The following PCDH15 variants were observed in gnomAD, a reference collection of about 807,000 sequenced individuals.
The protein encoded by PCDH15 is protocadherin-15.
A neutral mutation model predicts 178.5 loss-of-function variants in PCDH15; 129 were observed. That is an observed-to-expected ratio of 0.72 (90% CI 0.63 to 0.84). The LOEUF is 0.84. Among genes scored for constraint, PCDH15 ranks in the 40% least tolerant of loss-of-function variants. The pLI, the probability that PCDH15 is intolerant of heterozygous loss-of-function variation, is 0.00. For synonymous variants in PCDH15, 800 were observed against 732.0 expected (o/e 1.09, Z -1.50); for missense variants, 2,230 against 2,099.9 (o/e 1.06, Z -1.21).
chr10:55,313,300 C>G (rs549466916), intron 1 of PCDH15, among the ~76,000 whole-genome samples: 7 of 152,204 alleles, frequency 4.6e-5, no homozygotes, highest in African/African-American at 1.7e-4. Context: ...TACAGTGGTT[C>G]CCTTCTTTTC....
chr10:53,985,936 C>A (rs1264522237), intron 21 of PCDH15, among the ~76,000 whole-genome samples: 1 of 152,060 alleles, frequency 6.6e-6, no homozygotes, highest in Non-Finnish European at 1.5e-5. Context: ...TAGTAGGCAC[C>A]AACTGTTCCA....
At chr10:55,233,443 A>G (rs1841284580) in intron 1 of PCDH15, among the ~76,000 whole-genome samples, 1 of 152,158 alleles carries the variant, frequency 6.6e-6, no homozygotes, top group Non-Finnish European at 1.5e-5. Context: ...AAAGCACATG[A>G]AGAATAAGAA....
chr10:55,018,447 T>C (rs1257696184), intron 2 of PCDH15, among the ~76,000 whole-genome samples: 1 of 152,134 alleles, frequency 6.6e-6, no homozygotes, highest in African/African-American at 2.4e-5. Context: ...TAATTAATTG[T>C]AATACTGTAT....
intron 2 of PCDH15, among the ~76,000 whole-genome samples, chr10:55,424,869 T>C (rs1196743612): frequency 1.3e-5 from 2 of 150,644 alleles, no homozygotes; most frequent in Non-Finnish European, 2.9e-5. Flanking sequence ...TGGCATCGTA[T>C]TGCAACAGTT....
intron 2 of PCDH15, among the ~76,000 whole-genome samples, chr10:54,995,091 T>C (rs1839603416): frequency 6.6e-6 from 1 of 152,020 alleles, no homozygotes; most frequent in Admixed American, 6.6e-5. Context: ...TAGAAATTAG[T>C]TTAGGCCGGG....
chr10:53,918,420 A>G (rs1394380054), intron 25 of PCDH15, among the ~76,000 whole-genome samples: 1 of 152,164 alleles, frequency 6.6e-6, no homozygotes, highest in African/African-American at 2.4e-5. Flanking sequence ...TAATAACAGC[A>G]AAGGTAAATT....
intron 16 of PCDH15, among the ~76,000 whole-genome samples, chr10:54,080,077 A>AT (rs1425438325): frequency 1.3e-5 from 2 of 151,958 alleles, no homozygotes; most frequent in Non-Finnish European, 2.9e-5. Flanking sequence ...CATATTTTAC[A>AT]TTTTTTAAGA....
At chr10:55,313,146 C>G (rs1843632141) in intron 1 of PCDH15, among the ~76,000 whole-genome samples, 1 of 152,102 alleles carries the variant, frequency 6.6e-6, no homozygotes, top group African/African-American at 2.4e-5. Flanking sequence ...CTCCTCTGCT[C>G]TCCTACACAT....
At chr10:54,472,857 T>C (rs1212269070) in intron 3 of PCDH15, among the ~76,000 whole-genome samples, 1 of 152,096 alleles carries the variant, frequency 6.6e-6, no homozygotes, top group Non-Finnish European at 1.5e-5. Flanking sequence ...AATGACCAGA[T>C]GGTAAAATAT....
chr10:54,935,769 A>T (rs1292683733), intron 2 of PCDH15, among the ~76,000 whole-genome samples: 1 of 152,056 alleles, frequency 6.6e-6, no homozygotes, highest in African/African-American at 2.4e-5. Flanking sequence ...ATTTTTTTAT[A>T]CTATTTCATT....
At chr10:54,775,168 T>A in intron 1 of PCDH15, among the ~76,000 whole-genome samples, 1 of 152,190 alleles carries the variant, frequency 6.6e-6, no homozygotes, top group Non-Finnish European at 1.5e-5. Flanking sequence ...CTCAAAAATG[T>A]GGTAATAAAT....
At chr10:53,986,046 T>C (rs2091076292) in intron 21 of PCDH15, among the ~76,000 whole-genome samples, 1 of 152,164 alleles carries the variant, frequency 6.6e-6, no homozygotes, top group Non-Finnish European at 1.5e-5. Context: ...TTTAAGTGTA[T>C]CACACAGTAT....
At chr10:54,850,972 A>G (rs1261324813) in intron 3 of PCDH15, among the ~76,000 whole-genome samples, 2 of 152,196 alleles carry the variant, frequency 1.3e-5, no homozygotes, top group African/African-American at 2.4e-5. Context: ...AAGATGATCA[A>G]TGCAGAAATA....
chr10:54,534,524 G>T (rs2084274499), intron 2 of PCDH15, among the ~76,000 whole-genome samples: 1 of 152,144 alleles, frequency 6.6e-6, no homozygotes, highest in Admixed American at 6.5e-5. Flanking sequence ...TCCACAGAAA[G>T]ATCAAGGAAG....
At chr10:55,592,521 T>C (rs1842863232) in intron 2 of PCDH15, among the ~76,000 whole-genome samples, 1 of 152,174 alleles carries the variant, frequency 6.6e-6, no homozygotes, top group Non-Finnish European at 1.5e-5. Context: ...CTAGGAATGA[T>C]ACCAGGGTCC....
chr10:55,420,411 C>T (rs1002477762), intron 2 of PCDH15, among the ~76,000 whole-genome samples: 8 of 151,542 alleles, frequency 5.3e-5, no homozygotes, highest in Non-Finnish European at 3.0e-5. Flanking sequence ...AATGAGAACT[C>T]TCAGTAAGCT....
intron 3 of PCDH15, among the ~76,000 whole-genome samples, chr10:54,463,198 A>G (rs1411021037): frequency 1.3e-5 from 2 of 152,174 alleles, no homozygotes; most frequent in East Asian, 3.9e-4. Flanking sequence ...AAATATTGAT[A>G]TAGGATGTTG....
At chr10:54,248,095 A>C (rs988593207) in intron 8 of PCDH15, among the ~76,000 whole-genome samples, 17 of 151,458 alleles carry the variant, frequency 1.1e-4, no homozygotes, top group Admixed American at 9.2e-4. Flanking sequence ...GGAGAAAAAA[A>C]TTTTCATTTG....
chr10:54,936,334 T>C (rs911926145), intron 2 of PCDH15, among the ~76,000 whole-genome samples: 2 of 152,078 alleles, frequency 1.3e-5, no homozygotes, highest in African/African-American at 4.8e-5. Context: ...ATGACAATGC[T>C]TGAACATTGT....
Sources: gnomAD v4.1 joint callset for allele counts (sites outside exome capture counted in the v4.1 genomes callset) on GRCh38, gnomAD v4.1.1 for gene constraint, MANE v1.5 for transcripts, NCBI Gene and HGNC (gene_info 2026-07-23, HGNC 2026-07-21) for gene names.